The following DCP1A variants were observed in gnomAD, a reference collection of about 807,000 sequenced individuals.
DCP1A encodes the protein decapping mRNA 1A, also known as mRNA-decapping enzyme 1A.
In DCP1A, 20 loss-of-function variants were observed where a neutral mutation model predicts 58.0. That is an observed-to-expected ratio of 0.34 (90% CI 0.24 to 0.50). DCP1A has a LOEUF of 0.50. Among genes scored for constraint, DCP1A ranks in the 20% least tolerant of loss-of-function variants. DCP1A has a pLI of 0.98. For synonymous variants in DCP1A, 285 were observed against 275.1 expected (o/e 1.04, Z -0.36); for missense variants, 613 against 712.2 (o/e 0.86, Z 1.59).
intron 3 of DCP1A, among the ~76,000 whole-genome samples, chr3:53,341,391 C>T (rs868961596): frequency 1.3e-5 from 2 of 152,074 alleles, no homozygotes; most frequent in Admixed American, 1.3e-4. Flanking sequence ...GGAGGCAGAG[C>T]TTGCATGAGC....
At chr3:53,316,440 T>G (rs1553689252) in intron 4 of DCP1A, among the ~76,000 whole-genome samples, 1 of 152,118 alleles carries the variant, frequency 6.6e-6, no homozygotes, top group Non-Finnish European at 1.5e-5. Context: ...AATCACTTTT[T>G]TTTTTTGAGA....
chr3:53,307,447 G>C (rs1707510553), intron 5 of DCP1A, among the ~76,000 whole-genome samples: 1 of 152,144 alleles, frequency 6.6e-6, no homozygotes, highest in African/African-American at 2.4e-5. Flanking sequence ...CTCTCAACCT[G>C]CTTCAGTTCC....
intron 5 of DCP1A, among the ~76,000 whole-genome samples, chr3:53,308,771 A>T (rs1032260692): frequency 7.3e-5 from 11 of 150,586 alleles, no homozygotes; most frequent in African/African-American, 1.7e-4. Context: ...TTAAAAAAAA[A>T]TTTTTTTTTG....
chr3:53,312,498 T>A, intron 4 of DCP1A, 119 bp from the exon 5 acceptor site: 12 of 705,292 alleles, frequency 1.7e-5, no homozygotes, highest in African/African-American at 1.4e-4. Context: ...CATTCTTCTT[T>A]TTTTTTTTTT....
At chr3:53,319,386 T>G in intron 4 of DCP1A, 21 bp downstream of exon 4, 1 of 1,459,762 alleles carries the variant, frequency 6.9e-7, no homozygotes, top group Admixed American at 2.0e-5. Context: ...ATCAGTTAAA[T>G]TTATGGAGTA....
At chr3:53,338,219 C>A in intron 3 of DCP1A, 1 of 400,956 alleles carries the variant, frequency 2.5e-6, no homozygotes, top group Non-Finnish European at 5.1e-6. Context: ...TTATAACCTC[C>A]CCATAATTCA....
intron 6 of DCP1A, among the ~76,000 whole-genome samples, chr3:53,294,281 G>A (rs782391683): frequency 1.3e-5 from 2 of 152,208 alleles, no homozygotes; most frequent in African/African-American, 2.4e-5. Flanking sequence ...GGAGAGTCTG[G>A]ACTAAGATAC....
At chr3:53,315,744 GTTTT>G (rs797040721) in intron 4 of DCP1A, among the ~76,000 whole-genome samples, 1 of 95,416 alleles carries the variant, frequency 1.0e-5, no homozygotes, top group African/African-American at 4.2e-5. Flanking sequence ...TCAGTTTGTT[GTTTT>G]TTTTTTTTGT....
intron 3 of DCP1A, among the ~76,000 whole-genome samples, chr3:53,339,361 T>C (rs960491674): frequency 5.3e-5 from 8 of 152,208 alleles, no homozygotes; most frequent in African/African-American, 1.9e-4. Context: ...GAAAATTTTC[T>C]AAAGTAAAAT....
chr3:53,299,882 C>T, intron 6 of DCP1A, among the ~76,000 whole-genome samples: 1 of 152,080 alleles, frequency 6.6e-6, no homozygotes, highest in Non-Finnish European at 1.5e-5. Context: ...CTTCCTCCCA[C>T]CCCGAGATGG....
chr3:53,325,161 A>T (rs1164908674), intron 3 of DCP1A, among the ~76,000 whole-genome samples: 5 of 152,214 alleles, frequency 3.3e-5, no homozygotes, highest in African/African-American at 1.2e-4. Context: ...TTCATATAAA[A>T]TATTTCACTG....
chr3:53,301,270 GTTTC>G (rs575755875), intron 6 of DCP1A, among the ~76,000 whole-genome samples: 260 of 151,672 alleles, frequency 1.7e-3, no homozygotes, highest in Admixed American at 8.2e-3. Flanking sequence ...CAGTTTGGTG[GTTTC>G]TTTCTTTTTT....
At position 53,335,129 on chromosome 3, in the gene DCP1A, A is replaced by ATT. The variant is rs200729317; in HGVS notation, c.304+7013_304+7014dup. Reference sequence around the variant, plus strand: ...TGCACGCGCATGTGTATATATATATATTTTTTTTATTTTTATTTATTTATT... The same window carrying ATT: ...TGCACGCGCATGTGTATATATATATATTTTTTTTTTATTTTTATTTATTTATT... On this transcript the variant is annotated intron_variant, in intron 3 of 9. Transcript: ENST00000610213. 1.9e-4 allele frequency among the ~76,000 whole-genome samples: 28 copies of ATT among 149,348 alleles called. No homozygotes were observed. The South Asian group carries it at 4.2e-3, about 22-fold the overall frequency.
chr3:53,307,168 T>C (rs1005813827), intron 5 of DCP1A, among the ~76,000 whole-genome samples: 2 of 152,016 alleles, frequency 1.3e-5, no homozygotes, highest in African/African-American at 4.8e-5. Flanking sequence ...AGGCTGGTCT[T>C]GAACTCCTGA....
At chr3:53,345,614 G>A (rs1000515854) in intron 1 of DCP1A, among the ~76,000 whole-genome samples, 1 of 152,070 alleles carries the variant, frequency 6.6e-6, no homozygotes, top group Middle Eastern at 3.2e-3. Context: ...AAGCTTATTA[G>A]TCTGCAATTT....
intron 9 of DCP1A, among the ~76,000 whole-genome samples, 196 bp from the exon 10 acceptor site, chr3:53,287,856 G>A (rs570101499): frequency 7.9e-5 from 12 of 151,926 alleles, no homozygotes; most frequent in Non-Finnish European, 1.6e-4. Context: ...CTTAAAAAAA[G>A]AGAAACAGTA....
chr3:53,296,494 T>C (rs999630534), intron 6 of DCP1A, among the ~76,000 whole-genome samples: 1 of 152,236 alleles, frequency 6.6e-6, no homozygotes. Flanking sequence ...TTTACTACAC[T>C]GAACACTGTG....
intron 1 of DCP1A, among the ~76,000 whole-genome samples, chr3:53,347,059 C>T (rs1400870142): frequency 6.6e-6 from 1 of 152,208 alleles, no homozygotes; most frequent in Non-Finnish European, 1.5e-5. Flanking sequence ...TTTGACCCCA[C>T]CGGTCTTATA....
intron 3 of DCP1A, among the ~76,000 whole-genome samples, chr3:53,329,785 T>C (rs1404062711): frequency 2.0e-5 from 3 of 152,154 alleles, no homozygotes; most frequent in Non-Finnish European, 4.4e-5. Context: ...ATACAAAAAG[T>C]GGCATTAAGT....
Sources: gnomAD v4.1 joint callset for allele counts (sites outside exome capture counted in the v4.1 genomes callset) on GRCh38, gnomAD v4.1.1 for gene constraint, MANE v1.5 for transcripts, NCBI Gene and HGNC (gene_info 2026-07-23, HGNC 2026-07-21) for gene names.